Variants in PIK3R3 observed in about 807,000 individuals in gnomAD.
The protein encoded by PIK3R3 is phosphoinositide-3-kinase regulatory subunit 3.
A neutral mutation model predicts 62.9 loss-of-function variants in PIK3R3; 64 were observed. The observed-to-expected ratio is 1.02, with a 90% CI of 0.83 to 1.25. The LOEUF (loss-of-function observed/expected upper bound fraction) is 1.25. PIK3R3 is among the 50% of genes most tolerant of loss of function. The probability of loss-of-function intolerance (pLI) is 0.00; values close to 1 mark genes in which losing one functional copy is unlikely to be tolerated. For missense variants in PIK3R3, 614 were observed against 561.6 expected (o/e 1.09, Z -0.94); for synonymous variants, 165 against 189.0 (o/e 0.87, Z 1.04).
chr1:46,054,639 G>A (rs923202241), intron 7 of PIK3R3, among the ~76,000 whole-genome samples: 1 of 152,102 alleles, frequency 6.6e-6, no homozygotes, highest in Non-Finnish European at 1.5e-5. Flanking sequence ...CAGTCTATTC[G>A]TTACCCAGAA....
rs1415441740 is a variant in PIK3R3, at chr1:46,062,077, GGA to G, written c.622-8_622-7del. The G allele has an allele frequency of 6.3e-7, 1 of 1,581,024 alleles. No homozygotes were observed. The highest frequency in any genetic ancestry group is 1.4e-5 in the African/African-American group (1 of 72,620). On this transcript the variant is annotated splice_polypyrimidine_tract_variant and splice_region_variant and intron_variant, in intron 5 of 9. Coordinates refer to ENST00000262741, the MANE Select transcript of PIK3R3 (RefSeq NM_003629.4). ...GTCCTCTTCATCTGTATTTCCTACA[GGA>G]GAGAAAAAGAAAAAACACAGGCTTC... is the stretch of plus-strand genomic sequence containing the variant.
intron 6 of PIK3R3, among the ~76,000 whole-genome samples, chr1:46,057,712 T>A (rs1648061470): frequency 6.6e-6 from 1 of 152,176 alleles, no homozygotes; most frequent in Non-Finnish European, 1.5e-5. Context: ...GGAGATGATT[T>A]AGGATATCTG....
intron 3 of PIK3R3, among the ~76,000 whole-genome samples, chr1:46,075,854 A>G (rs1650022111): frequency 6.6e-6 from 1 of 152,194 alleles, no homozygotes; most frequent in South Asian, 2.1e-4. Context: ...CTCAGAACCC[A>G]GGAAGCCAAT....
chr1:46,121,047 C>G (rs938279153), intron 1 of PIK3R3, among the ~76,000 whole-genome samples: 1 of 152,104 alleles, frequency 6.6e-6, no homozygotes, highest in African/African-American at 2.4e-5. Context: ...AAGCCAGTCC[C>G]AAGGATGGCA....
intron 1 of PIK3R3, among the ~76,000 whole-genome samples, chr1:46,108,174 T>C (rs1305150945): frequency 6.6e-6 from 1 of 152,230 alleles, no homozygotes; most frequent in African/African-American, 2.4e-5. Flanking sequence ...CTTAACATTA[T>C]AAAATAAGTA....
intron 3 of PIK3R3, 66 bp downstream of exon 3, chr1:46,077,449 T>C (rs1571426415): frequency 1.4e-6 from 1 of 732,636 alleles, no homozygotes; most frequent in East Asian, 2.5e-5. Flanking sequence ...AATACAGAAA[T>C]ATCTGTATAC....
the PIK3R3 span, among the ~76,000 whole-genome samples, chr1:46,140,711 G>A: frequency 6.6e-6 from 1 of 152,160 alleles, no homozygotes; most frequent in Non-Finnish European, 1.5e-5. Flanking sequence ...CAGAAACTAA[G>A]AAAGAAACAT....
At chr1:46,110,275 C>CTTT (rs35873858) in intron 1 of PIK3R3, among the ~76,000 whole-genome samples, 27 of 71,294 alleles carry the variant, frequency 3.8e-4, no homozygotes, top group Non-Finnish European at 5.6e-4. Context: ...CCAGGCTTGG[C>CTTT]TTTTTTTTTT....
At position 46,132,532 on chromosome 1, in the gene PIK3R3, G is replaced by C. The variant is rs1487157458; in HGVS notation, c.-580C>G. On this transcript the variant is annotated 5_prime_UTR_variant, in exon 1 of 10. Coordinates refer to ENST00000262741, the MANE Select transcript of PIK3R3 (RefSeq NM_003629.4). ...GAAGCTGCCGCAGCCTCGGGAATGG[G>C]GCCGGCCGGAGAAGTCCAGTCAGCT... 16 of 1,249,998 alleles carry C rather than the reference G, an allele frequency of 1.3e-5. No homozygotes were observed. The highest frequency in any genetic ancestry group is 1.7e-5 in the Non-Finnish European group (16 of 968,622). 77.4% of individuals were successfully genotyped at this position (1,249,998 alleles called of 1,614,324 possible).
At chr1:46,136,540 T>C (rs1655941047), upstream of PIK3R3, among the ~76,000 whole-genome samples, 1 of 152,230 alleles carries the variant, frequency 6.6e-6, no homozygotes, top group Non-Finnish European at 1.5e-5. Context: ...ATACCCATGA[T>C]AGAGTTAATC....
the PIK3R3 span, among the ~76,000 whole-genome samples, chr1:46,139,469 C>A: frequency 3.7e-4 from 57 of 152,216 alleles, no homozygotes; most frequent in African/African-American, 1.4e-3. Flanking sequence ...CCATGCCTGG[C>A]TAATTTTTTC....
chr1:46,111,431 A>G (rs1302739333), intron 1 of PIK3R3, among the ~76,000 whole-genome samples: 1 of 151,992 alleles, frequency 6.6e-6, no homozygotes, highest in Non-Finnish European at 1.5e-5. Flanking sequence ...ATAATTAGAA[A>G]AGGGCATGTT....
the PIK3R3 span, among the ~76,000 whole-genome samples, chr1:46,174,604 A>G: frequency 2.6e-4 from 40 of 152,274 alleles, no homozygotes; most frequent in African/African-American, 8.9e-4. Flanking sequence ...GTATTAGCCC[A>G]TGCATGATGC....
intron 1 of PIK3R3, among the ~76,000 whole-genome samples, chr1:46,129,401 T>TTTTATTTATTTA (rs201511245): frequency 5.3e-5 from 7 of 131,614 alleles, no homozygotes; most frequent in Admixed American, 1.5e-4. Flanking sequence ...AATTGGGGGA[T>TTTTATTTATTTA]TTTATTTATT....
At chr1:46,081,041 A>T (rs1344208149) in intron 1 of PIK3R3, among the ~76,000 whole-genome samples, 1 of 152,180 alleles carries the variant, frequency 6.6e-6, no homozygotes, top group Admixed American at 6.5e-5. Flanking sequence ...CAAACAACTC[A>T]GTCCAAAAGC....
intron 5 of PIK3R3, among the ~76,000 whole-genome samples, chr1:46,063,299 A>C (rs531084571): frequency 6.6e-6 from 1 of 152,240 alleles, no homozygotes; most frequent in Non-Finnish European, 1.5e-5. Flanking sequence ...GTAATTGCCC[A>C]GTAGGGCTAG....
the PIK3R3 span, among the ~76,000 whole-genome samples, chr1:46,170,481 C>T: frequency 1.8e-4 from 28 of 152,136 alleles, 1 homozygote; most frequent in African/African-American, 6.5e-4. Flanking sequence ...AGTGCAATGG[C>T]ATGATCTCGG....
At chr1:46,105,702 T>A (rs1053018393) in intron 1 of PIK3R3, among the ~76,000 whole-genome samples, 10 of 138,854 alleles carry the variant, frequency 7.2e-5, no homozygotes, top group Admixed American at 3.8e-4. Flanking sequence ...GTACCTACAA[T>A]CCCAGCTACT....
chr1:46,048,899 C>T (rs1647184565), intron 7 of PIK3R3, among the ~76,000 whole-genome samples: 1 of 152,094 alleles, frequency 6.6e-6, no homozygotes, highest in Non-Finnish European at 1.5e-5. Context: ...ATTTTAAAAA[C>T]CATTTTCAAA....
Sources: allele counts gnomAD v4.1 joint callset (sites outside exome capture counted in the v4.1 genomes callset), GRCh38; gene constraint gnomAD v4.1.1; transcripts MANE v1.5; gene names NCBI Gene and HGNC (gene_info 2026-07-23, HGNC 2026-07-21).